Variants in ANKRD55 observed in about 807,000 individuals in gnomAD.
The protein encoded by ANKRD55 is ankyrin repeat domain-containing protein 55.
A neutral mutation model predicts 60.6 loss-of-function variants in ANKRD55; 41 were observed. The ratio of observed to expected loss-of-function variants is 0.68; its 90% confidence interval spans 0.53 to 0.88. The LOEUF (loss-of-function observed/expected upper bound fraction) is 0.88, where lower values mean the gene tolerates loss of function less well. Among genes scored for constraint, ANKRD55 ranks in the 40% least tolerant of loss-of-function variants. The pLI is 0.00. For missense variants in ANKRD55, 732 were observed against 767.6 expected (o/e 0.95, Z 0.55); for synonymous variants, 264 against 290.3 (o/e 0.91, Z 0.92).
chr5:56,213,984 C>T (rs1759742515), intron 2 of ANKRD55, among the ~76,000 whole-genome samples: 1 of 152,196 alleles, frequency 6.6e-6, no homozygotes, highest in Non-Finnish European at 1.5e-5. Flanking sequence ...GCTAGGGAGG[C>T]CTCACAATCA....
intron 9 of ANKRD55, among the ~76,000 whole-genome samples, chr5:56,112,235 G>T (rs1227033492): frequency 6.6e-6 from 1 of 152,020 alleles, no homozygotes; most frequent in Non-Finnish European, 1.5e-5. Flanking sequence ...GCTGAGGTGG[G>T]GGGAATGTGG....
chr5:56,190,512 G>C (rs192594152), intron 2 of ANKRD55, among the ~76,000 whole-genome samples: 46 of 152,314 alleles, frequency 3.0e-4, no homozygotes, highest in Admixed American at 1.4e-3. Flanking sequence ...ATGGTGTAAA[G>C]TAAGGGTCCA....
At chr5:56,166,166 C>CTTCT in intron 5 of ANKRD55, among the ~76,000 whole-genome samples, 1 of 92,434 alleles carries the variant, frequency 1.1e-5, no homozygotes, top group East Asian at 4.3e-4. Context: ...TCTTTCCTTC[C>CTTCT]TTCCTTCCTT....
intron 2 of ANKRD55, among the ~76,000 whole-genome samples, chr5:56,186,286 G>A (rs1022852188): frequency 2.6e-5 from 4 of 152,158 alleles, no homozygotes; most frequent in African/African-American, 9.7e-5. Flanking sequence ...ACCCATCTCA[G>A]CCTCCTGAGT....
At chr5:56,130,473 G>C (rs1464378416) in intron 7 of ANKRD55, among the ~76,000 whole-genome samples, 1 of 152,132 alleles carries the variant, frequency 6.6e-6, no homozygotes, top group Non-Finnish European at 1.5e-5. Context: ...AAAAGACAGG[G>C]ACCAAATCAT....
chr5:56,151,851 A>G (rs956927010), intron 6 of ANKRD55, among the ~76,000 whole-genome samples: 6 of 122,926 alleles, frequency 4.9e-5, no homozygotes, highest in Non-Finnish European at 1.1e-4. Context: ...GTGTGTGTGT[A>G]TATATATGTA....
chr5:56,171,234 A>G (rs1453124155), intron 4 of ANKRD55, among the ~76,000 whole-genome samples: 1 of 152,180 alleles, frequency 6.6e-6, no homozygotes, highest in East Asian at 1.9e-4. Context: ...GCTCCACTGC[A>G]ATGGCTGGGA....
intron 8 of ANKRD55, among the ~76,000 whole-genome samples, chr5:56,123,118 G>C (rs1347916838): frequency 6.6e-6 from 1 of 151,978 alleles, no homozygotes. Context: ...TAAGTCACTC[G>C]GGAAATGGGC....
At chr5:56,197,294 T>C (rs1759249901) in intron 2 of ANKRD55, among the ~76,000 whole-genome samples, 1 of 152,210 alleles carries the variant, frequency 6.6e-6, no homozygotes, top group South Asian at 2.1e-4. Context: ...CCAAGTTTAG[T>C]AATTTTATAT....
chr5:56,153,409 G>T (rs1399814824), intron 6 of ANKRD55, among the ~76,000 whole-genome samples: 1 of 152,140 alleles, frequency 6.6e-6, no homozygotes, highest in African/African-American at 2.4e-5. Flanking sequence ...ATGCAAAGAG[G>T]CTTGTACAAG....
intron 9 of ANKRD55, among the ~76,000 whole-genome samples, chr5:56,113,503 T>C (rs2111682390): frequency 6.6e-6 from 1 of 152,300 alleles, no homozygotes; most frequent in African/African-American, 2.4e-5. Flanking sequence ...ATGATTGTCT[T>C]GGGGTAAAGC....
At chr5:56,228,390 T>A (rs527472565) in intron 2 of ANKRD55, among the ~76,000 whole-genome samples, 21 of 151,352 alleles carry the variant, frequency 1.4e-4, no homozygotes, top group Non-Finnish European at 2.8e-4. Context: ...CAGGGAAGAT[T>A]CTTTCCTAAA....
chr5:56,221,542 T>C lies in ANKRD55; in HGVS notation c.58+11314A>G, dbSNP rs181442445. 9.4e-4 allele frequency among the ~76,000 whole-genome samples: 142 copies of C among 151,830 alleles called. 3 individuals are homozygous for C. The Middle Eastern group carries it at 0.027, about 29-fold the overall frequency. ...CCACCGAGCATGAGCCGAAGCAGGGTGAGGCATCACCTCACGCGGGAAGCG... is the reference window on the plus strand; with the variant it reads ...CCACCGAGCATGAGCCGAAGCAGGGCGAGGCATCACCTCACGCGGGAAGCG... On this transcript the variant is annotated intron_variant, in intron 2 of 11. Coordinates refer to ENST00000341048, the MANE Select transcript of ANKRD55 (RefSeq NM_024669.3).
At chr5:56,230,178 C>A (rs1006556619) in intron 2 of ANKRD55, among the ~76,000 whole-genome samples, 1 of 152,136 alleles carries the variant, frequency 6.6e-6, no homozygotes, top group African/African-American at 2.4e-5. Flanking sequence ...TCACCGCAAC[C>A]TCCACCTCCC....
intron 7 of ANKRD55, among the ~76,000 whole-genome samples, chr5:56,140,825 G>A (rs1757739853): frequency 6.6e-6 from 1 of 152,154 alleles, no homozygotes; most frequent in African/African-American, 2.4e-5. Flanking sequence ...AACTTTGGGA[G>A]GCTGAGGCAG....
intron 2 of ANKRD55, among the ~76,000 whole-genome samples, chr5:56,206,830 A>G (rs1217699203): frequency 3.9e-5 from 6 of 152,232 alleles, no homozygotes; most frequent in Non-Finnish European, 8.8e-5. Context: ...AACAAAGAAC[A>G]GGACGAAGCT....
intron 7 of ANKRD55, among the ~76,000 whole-genome samples, chr5:56,135,209 ACTTTCCTTCCTTCCTTCCTTCCTTC>A (rs1211304554): frequency 1.9e-5 from 2 of 107,926 alleles, no homozygotes; most frequent in African/African-American, 7.2e-5. Flanking sequence ...ATGTCTCACA[ACTTTCCTTCCTTCCTTCCTTCCTTC>A]CTTCCTTCCT....
At chr5:56,123,148 A>C (rs895077465) in intron 8 of ANKRD55, among the ~76,000 whole-genome samples, 1 of 151,572 alleles carries the variant, frequency 6.6e-6, no homozygotes, top group South Asian at 2.1e-4. Context: ...GCAGGAAAGG[A>C]GGTCATGGAA....
At chr5:56,141,179 C>T (rs942356361) in intron 7 of ANKRD55, among the ~76,000 whole-genome samples, 2 of 133,466 alleles carry the variant, frequency 1.5e-5, no homozygotes, top group Non-Finnish European at 3.1e-5. Context: ...GCTATATTGC[C>T]CAGGTTAGTC....
Sources: gnomAD v4.1 joint callset for allele counts (sites outside exome capture counted in the v4.1 genomes callset) on GRCh38, gnomAD v4.1.1 for gene constraint, MANE v1.5 for transcripts, NCBI Gene and HGNC (gene_info 2026-07-23, HGNC 2026-07-21) for gene names.